The following CCDC91 variants were observed in gnomAD, a reference collection of about 807,000 sequenced individuals.
CCDC91 encodes coiled-coil domain containing 91, also known as coiled-coil domain-containing protein 91.
Under a neutral mutation model 63.2 loss-of-function variants are expected in CCDC91, and 48 were observed. The observed-to-expected ratio is 0.76, with a 90% CI of 0.60 to 0.97. The LOEUF is 0.97. Among genes scored for constraint, CCDC91 ranks in the 50% least tolerant of loss-of-function variants. The pLI, the probability that CCDC91 is intolerant of heterozygous loss-of-function variation, is 0.00. For synonymous variants in CCDC91, 167 were observed against 165.8 expected, an observed-to-expected ratio of 1.01 and a Z score of -0.06; for missense variants, 500 against 494.6, an observed-to-expected ratio of 1.01 and a Z score of -0.10.
intron 1 of CCDC91, among the ~76,000 whole-genome samples, chr12:28,211,296 C>T (rs1251929772): frequency 1.3e-5 from 2 of 151,848 alleles, no homozygotes; most frequent in Non-Finnish European, 2.9e-5. Flanking sequence ...CCTGAGTGGC[C>T]CTAGTGACCT....
At chr12:28,271,903 T>C (rs1162556798) in intron 3 of CCDC91, among the ~76,000 whole-genome samples, 2 of 148,972 alleles carry the variant, frequency 1.3e-5, no homozygotes, top group Non-Finnish European at 3.0e-5. Context: ...ATGCTATATA[T>C]TATATATAAA....
chr12:28,547,005 A>T (rs1011041623), intron 12 of CCDC91, among the ~76,000 whole-genome samples: 1 of 152,140 alleles, frequency 6.6e-6, no homozygotes, highest in Non-Finnish European at 1.5e-5. Flanking sequence ...AATACAGTTA[A>T]GCAATTTTTT....
Position 28,524,678 on chromosome 12 carries a change from A to T in CCDC91, c.1216-24385A>T, listed in dbSNP as rs138665790. Among the ~76,000 whole-genome samples, 71 of 152,160 alleles carry T rather than the reference A, an allele frequency of 4.7e-4. No homozygotes were observed. In the East Asian group the frequency reaches 0.013, roughly 27 times the overall value. On this transcript the variant is annotated intron_variant, in intron 12 of 12. Transcript: ENST00000536442. ...TAGAATAGTGTCAATAGGATTGGTAACAGTTCTTTTTTAATGTCTGGTATA... is the reference window on the plus strand; with the variant it reads ...TAGAATAGTGTCAATAGGATTGGTATCAGTTCTTTTTTAATGTCTGGTATA...
chr12:28,528,623 G>A (rs545197629), intron 12 of CCDC91, among the ~76,000 whole-genome samples: 1 of 152,202 alleles, frequency 6.6e-6, no homozygotes, highest in East Asian at 1.9e-4. Flanking sequence ...GTCCAAGTGG[G>A]GGCTGCAATC....
intron 8 of CCDC91, among the ~76,000 whole-genome samples, chr12:28,398,416 T>G (rs1946417293): frequency 6.6e-6 from 1 of 152,218 alleles, no homozygotes; most frequent in East Asian, 1.9e-4. Context: ...CGTAGCATTT[T>G]GTTTATTCAT....
At chr12:28,345,378 G>A (rs1195536868) in intron 6 of CCDC91, among the ~76,000 whole-genome samples, 1 of 151,456 alleles carries the variant, frequency 6.6e-6, no homozygotes, top group African/African-American at 2.4e-5. Context: ...CTATTTAATG[G>A]GTGTACTATC....
At position 28,417,620 on chromosome 12, in the gene CCDC91, G is replaced by GATATATAT. The variant is rs34996637; in HGVS notation, c.762+26223_762+26230dup. Among the ~76,000 whole-genome samples the GATATATAT allele has an allele frequency of 1.5e-3, 203 of 139,790 alleles. 1 individual carries two copies. Among genetic ancestry groups the GATATATAT allele is most frequent in the African/African-American group, 4.2e-3 (166 of 39,434 alleles). The allele number at this position is 139,790 out of a possible 152,430, so 91.7% of individuals were successfully genotyped here. Reference sequence around the variant, plus strand: ...TAAGCTGTACAACGTGAACCTTTGAGATATATATATATATATATATACACA... The same window carrying GATATATAT: ...TAAGCTGTACAACGTGAACCTTTGAGATATATATATATATATATATATATATATACACA... On this transcript the variant is annotated intron_variant, in intron 8 of 12. Coordinates refer to ENST00000536442, the MANE Select transcript of CCDC91 (RefSeq NM_018318.5).
At chr12:28,376,803 C>T (rs1487806039) in intron 7 of CCDC91, among the ~76,000 whole-genome samples, 2 of 151,738 alleles carry the variant, frequency 1.3e-5, no homozygotes, top group Non-Finnish European at 3.0e-5. Context: ...AATGTTAACT[C>T]ATTCTCAAAA....
chr12:28,224,394 G>A (rs1241866465), intron 1 of CCDC91, among the ~76,000 whole-genome samples: 1 of 152,032 alleles, frequency 6.6e-6, no homozygotes, highest in African/African-American at 2.4e-5. Flanking sequence ...GAGACTTTTA[G>A]GCTTAATTTC....
At chr12:28,256,993 G>A in intron 1 of CCDC91, 2 of 447,920 alleles carry the variant, frequency 4.5e-6, no homozygotes, top group South Asian at 4.2e-5. Context: ...ACATAAAATG[G>A]CAAAATACAT....
At chr12:28,315,942 G>C (rs1939816591) in intron 6 of CCDC91, among the ~76,000 whole-genome samples, 1 of 151,566 alleles carries the variant, frequency 6.6e-6, no homozygotes, top group African/African-American at 2.4e-5. Flanking sequence ...TTATTTCTTG[G>C]AGGCCTTTTC....
At chr12:28,294,164 GAC>G (rs900927360) in intron 3 of CCDC91, among the ~76,000 whole-genome samples, 2 of 152,090 alleles carry the variant, frequency 1.3e-5, no homozygotes, top group Non-Finnish European at 2.9e-5. Context: ...GAAATAAGTT[GAC>G]ACACACACAA....
intron 6 of CCDC91, among the ~76,000 whole-genome samples, chr12:28,329,394 A>G (rs1941299875): frequency 6.6e-6 from 1 of 152,126 alleles, no homozygotes; most frequent in African/African-American, 2.4e-5. Context: ...AGGATCTAAA[A>G]CCTAAAGATA....
intron 3 of CCDC91, among the ~76,000 whole-genome samples, chr12:28,276,046 C>A (rs1467337857): frequency 6.6e-6 from 1 of 152,052 alleles, no homozygotes; most frequent in Non-Finnish European, 1.5e-5. Flanking sequence ...GAAGCATTCC[C>A]TTTGAAAACT....
intron 6 of CCDC91, among the ~76,000 whole-genome samples, chr12:28,350,192 CTT>C (rs1019557202): frequency 6.6e-6 from 1 of 152,100 alleles, no homozygotes; most frequent in Non-Finnish European, 1.5e-5. Context: ...AACCTATACT[CTT>C]TTTCAGATAT....
At chr12:28,231,205 G>C (rs1944574838) in intron 1 of CCDC91, among the ~76,000 whole-genome samples, 2 of 152,158 alleles carry the variant, frequency 1.3e-5, no homozygotes, top group Admixed American at 6.5e-5. Flanking sequence ...TCCTGTCTCT[G>C]TGGGTTGGAA....
At chr12:28,404,197 A>C (rs1330756750) in intron 8 of CCDC91, among the ~76,000 whole-genome samples, 1 of 151,902 alleles carries the variant, frequency 6.6e-6, no homozygotes, top group Non-Finnish European at 1.5e-5. Context: ...TGTGTCTATA[A>C]ATTTTGATAA....
chr12:28,225,812 A>G (rs1417715680), intron 1 of CCDC91: 2 of 152,168 alleles, frequency 1.3e-5, no homozygotes, highest in African/African-American at 4.8e-5. Context: ...ACCCTCCTTT[A>G]TGTGACTCAG....
At chr12:28,393,462 A>G (rs1424550676) in intron 8 of CCDC91, among the ~76,000 whole-genome samples, 2 of 151,244 alleles carry the variant, frequency 1.3e-5, no homozygotes, top group Non-Finnish European at 2.9e-5. Context: ...TTTGAACCTC[A>G]TATTTGTCTG....
Sources: gnomAD v4.1 joint callset for allele counts (sites outside exome capture counted in the v4.1 genomes callset) on GRCh38, gnomAD v4.1.1 for gene constraint, MANE v1.5 for transcripts, NCBI Gene and HGNC (gene_info 2026-07-23, HGNC 2026-07-21) for gene names.